The following PBX1 variants were observed in gnomAD, a reference collection of about 807,000 sequenced individuals.
PBX1 encodes PBX homeobox 1.
PBX1 carries 6 observed loss-of-function variants against 53.4 expected under a neutral mutation model. The observed-to-expected ratio is 0.11, with a 90% CI of 0.06 to 0.22. The LOEUF is 0.22. Ranked by LOEUF, PBX1 falls within the 10% of genes least tolerant of loss-of-function variation. The probability of loss-of-function intolerance (pLI) is 1.00; values close to 1 mark genes in which losing one functional copy is unlikely to be tolerated. For missense variants in PBX1, 251 were observed against 551.4 expected (o/e 0.46, Z 5.46); for synonymous variants, 204 against 212.3 (o/e 0.96, Z 0.34).
chr1:164,870,329 CTTTCTTTCTTTCTTTCTTTCTTT>C (rs1558053797), intron 2 of PBX1, among the ~76,000 whole-genome samples: 2 of 103,284 alleles, frequency 1.9e-5, no homozygotes, highest in African/African-American at 8.2e-5. Flanking sequence ...TTCTTTCTTT[CTTTCTTTCTTTCTTTCTTTCTTT>C]CTTTCTTTCG....
intron 2 of PBX1, among the ~76,000 whole-genome samples, chr1:164,633,052 T>C (rs1403086420): frequency 6.6e-6 from 1 of 152,166 alleles, no homozygotes; most frequent in Non-Finnish European, 1.5e-5. Flanking sequence ...CAAAACTAGT[T>C]TGCCTGTTAA....
intron 2 of PBX1, among the ~76,000 whole-genome samples, chr1:164,789,454 G>A (rs1477269105): frequency 6.6e-6 from 1 of 152,130 alleles, no homozygotes; most frequent in African/African-American, 2.4e-5. Context: ...GATCAGAACT[G>A]TCTCTCTGCC....
intron 2 of PBX1, among the ~76,000 whole-genome samples, chr1:164,646,943 C>T (rs928197878): frequency 6.6e-6 from 1 of 152,182 alleles, no homozygotes; most frequent in Non-Finnish European, 1.5e-5. Context: ...GGCATTCAGT[C>T]TGGTCTGCAG....
At chr1:164,735,864 G>T (rs1187753954) in intron 2 of PBX1, among the ~76,000 whole-genome samples, 1 of 152,166 alleles carries the variant, frequency 6.6e-6, no homozygotes, top group Non-Finnish European at 1.5e-5. Flanking sequence ...GGAACAGGGA[G>T]GGGCTGGACA....
At chr1:164,870,254 C>T (rs572403437) in intron 2 of PBX1, among the ~76,000 whole-genome samples, 1 of 64,614 alleles carries the variant, frequency 1.5e-5, no homozygotes, top group African/African-American at 6.8e-5. Context: ...TCCTTCCTTC[C>T]TTCCTTCCTT....
chr1:164,693,635 TG>T (rs1244561283), intron 2 of PBX1, among the ~76,000 whole-genome samples: 1 of 152,176 alleles, frequency 6.6e-6, no homozygotes, highest in Non-Finnish European at 1.5e-5. Flanking sequence ...CCTGTGTCAT[TG>T]GCTGTTCTAG....
At chr1:164,606,617 C>T (rs34032885) in intron 2 of PBX1, among the ~76,000 whole-genome samples, 21,234 of 152,092 alleles carry the variant, frequency 0.14, 1,872 homozygotes, top group East Asian at 0.4. Flanking sequence ...TCTGAGAATC[C>T]GATGTCGTAT....
intron 6 of PBX1, chr1:164,815,914 G>T (rs919637896): frequency 1.3e-5 from 2 of 152,092 alleles, no homozygotes; most frequent in African/African-American, 2.4e-5. Context: ...TTGATGAAAG[G>T]TTATTATATT....
intron 2 of PBX1, among the ~76,000 whole-genome samples, chr1:164,627,692 T>G (rs146238263): frequency 8.5e-4 from 130 of 152,298 alleles, no homozygotes; most frequent in African/African-American, 2.5e-3. Flanking sequence ...CGATGGGCTT[T>G]TGTTGGGGGA....
intron 2 of PBX1, among the ~76,000 whole-genome samples, chr1:164,612,400 G>A (rs927710993): frequency 2.0e-5 from 3 of 152,220 alleles, no homozygotes; most frequent in African/African-American, 7.2e-5. Flanking sequence ...GGGATGGGGG[G>A]ACTTCTATGT....
At chr1:164,712,222 G>T (rs546694520) in intron 2 of PBX1, among the ~76,000 whole-genome samples, 1 of 148,852 alleles carries the variant, frequency 6.7e-6, no homozygotes, top group Admixed American at 6.7e-5. Context: ...GCAGCTCTCT[G>T]TCTGCTGTCT....
At chr1:164,720,367 G>A (rs1007966191) in intron 2 of PBX1, among the ~76,000 whole-genome samples, 2 of 152,106 alleles carry the variant, frequency 1.3e-5, no homozygotes, top group Non-Finnish European at 2.9e-5. Flanking sequence ...GAGCCTACTG[G>A]ATCTTTTACT....
chr1:164,836,384 A>T (rs1324560966), intron 8 of PBX1, among the ~76,000 whole-genome samples: 1 of 152,166 alleles, frequency 6.6e-6, no homozygotes, highest in African/African-American at 2.4e-5. Flanking sequence ...AAAGAAAAAA[A>T]TTAAAATTTC....
chr1:164,854,795 G>T (rs1671941658), downstream of PBX1, among the ~76,000 whole-genome samples: 1 of 152,028 alleles, frequency 6.6e-6, no homozygotes. Context: ...AGACAATGCA[G>T]CTCTTATTTC....
intron 2 of PBX1, among the ~76,000 whole-genome samples, chr1:164,691,199 G>C (rs912545308): frequency 9.2e-5 from 14 of 151,716 alleles, no homozygotes; most frequent in African/African-American, 3.4e-4. Context: ...ATTTTTTGTA[G>C]AGATGGGGTT....
intron 2 of PBX1, among the ~76,000 whole-genome samples, chr1:164,859,840 A>C (rs551862579): frequency 3.5e-4 from 53 of 152,270 alleles, no homozygotes; most frequent in African/African-American, 1.3e-3. Context: ...CACAACCCAA[A>C]TCTCTGGGTC....
At chr1:164,659,950 T>C (rs61803806) in intron 2 of PBX1, among the ~76,000 whole-genome samples, 4,800 of 152,300 alleles carry the variant, frequency 0.032, 112 homozygotes, top group East Asian at 0.089. Flanking sequence ...AGGTTTCCTG[T>C]TGACTCTGAG....
chr1:164,738,651 G>A (rs1252199612), intron 2 of PBX1, among the ~76,000 whole-genome samples: 1 of 152,188 alleles, frequency 6.6e-6, no homozygotes, highest in Non-Finnish European at 1.5e-5. Flanking sequence ...TCTGGAAGGA[G>A]ACCATATCAT....
At chr1:164,873,627 G>A (rs959567222) in intron 2 of PBX1, among the ~76,000 whole-genome samples, 1 of 152,142 alleles carries the variant, frequency 6.6e-6, no homozygotes, top group African/African-American at 2.4e-5. Context: ...GGTTGGTGGT[G>A]ACACCTTATT....
Sources: gnomAD v4.1 joint callset for allele counts (sites outside exome capture counted in the v4.1 genomes callset) on GRCh38, gnomAD v4.1.1 for gene constraint, MANE v1.5 for transcripts, NCBI Gene and HGNC (gene_info 2026-07-23, HGNC 2026-07-21) for gene names.